MARCHF4: variants seen among roughly 807,000 people sequenced by gnomAD.
MARCHF4 encodes the protein membrane associated ring-CH-type finger 4, also known as E3 ubiquitin-protein ligase MARCHF4.
A neutral mutation model predicts 43.9 loss-of-function variants in MARCHF4; 14 were observed. The observed-to-expected ratio is 0.32, with a 90% CI of 0.21 to 0.50. The LOEUF is 0.50. MARCHF4 is among the 20% of genes least tolerant of loss of function. The pLI, the probability that MARCHF4 is intolerant of heterozygous loss-of-function variation, is 0.98. For synonymous variants in MARCHF4, 226 were observed against 213.3 expected, an observed-to-expected ratio of 1.06 and a Z score of -0.52; for missense variants, 468 against 536.7, an observed-to-expected ratio of 0.87 and a Z score of 1.27.
rs1574490980 is a variant in MARCHF4, at chr2:216,370,527, C to T, written c.-267G>A. On this transcript the variant is annotated 5_prime_UTR_variant, in exon 1 of 4. Transcript: ENST00000273067. ...ACCCACCCCAACCTCCAACTTTGTT[C>T]AGTGTGTCTCCTTTCTGCTTTTGAC... 2.6e-6 allele frequency: 1 copy of T among 385,628 alleles called. No individual in the cohort carries two copies. The highest frequency in any genetic ancestry group is 7.1e-5 in the South Asian group (1 of 14,126). 23.9% of individuals were successfully genotyped at this position (385,628 alleles called of 1,614,324 possible).
At chr2:216,335,402 A>G (rs1032597522) in intron 1 of MARCHF4, among the ~76,000 whole-genome samples, 3 of 152,250 alleles carry the variant, frequency 2.0e-5, no homozygotes, top group Non-Finnish European at 4.4e-5. Context: ...GAGAAATGAT[A>G]AAAATTTAAC....
chr2:216,357,917 A>T (rs1010419010), intron 1 of MARCHF4, among the ~76,000 whole-genome samples: 1 of 152,344 alleles, frequency 6.6e-6, no homozygotes, highest in East Asian at 1.9e-4. Flanking sequence ...CTCCTGACAG[A>T]TGATATTATG....
At chr2:216,327,303 G>A (rs576277201) in intron 1 of MARCHF4, among the ~76,000 whole-genome samples, 2 of 151,986 alleles carry the variant, frequency 1.3e-5, no homozygotes, top group Admixed American at 1.3e-4. Flanking sequence ...TTTTCCAAAT[G>A]CTGAATTATA....
intron 1 of MARCHF4, among the ~76,000 whole-genome samples, chr2:216,343,784 T>C (rs1250292821): frequency 2.0e-5 from 3 of 152,236 alleles, no homozygotes; most frequent in Middle Eastern, 3.2e-3. Context: ...TGAGGTCATA[T>C]AGCTGCTGGT....
At chr2:216,326,824 G>C (rs1371170998) in intron 1 of MARCHF4, among the ~76,000 whole-genome samples, 2 of 140,176 alleles carry the variant, frequency 1.4e-5, no homozygotes, top group African/African-American at 2.6e-5. Flanking sequence ...GGTGGAGGGA[G>C]GGGGGAGGGA....
chr2:216,341,167 G>T (rs748726192), intron 1 of MARCHF4, among the ~76,000 whole-genome samples: 2 of 152,172 alleles, frequency 1.3e-5, no homozygotes, highest in Non-Finnish European at 2.9e-5. Context: ...CCATTTTGCA[G>T]CTCCTCCAAT....
At chr2:216,354,968 T>TTTCC (rs1692475107) in intron 1 of MARCHF4, among the ~76,000 whole-genome samples, 1 of 142,228 alleles carries the variant, frequency 7.0e-6, no homozygotes, top group East Asian at 2.2e-4. Context: ...TCTTTCTTTC[T>TTTCC]TTCTTTCTTT....
At chr2:216,316,545 C>A (rs1691779870) in intron 1 of MARCHF4, among the ~76,000 whole-genome samples, 1 of 152,072 alleles carries the variant, frequency 6.6e-6, no homozygotes, top group Non-Finnish European at 1.5e-5. Context: ...GGTCCACAGT[C>A]CTGGGAAATG....
intron 1 of MARCHF4, among the ~76,000 whole-genome samples, chr2:216,324,495 G>T (rs960884943): frequency 6.6e-6 from 1 of 151,882 alleles, no homozygotes; most frequent in Non-Finnish European, 1.5e-5. Context: ...TACAAAAGCC[G>T]GGCAGAGACA....
chr2:216,283,081 ATTC>A (rs1452779397), intron 2 of MARCHF4, among the ~76,000 whole-genome samples: 1 of 152,092 alleles, frequency 6.6e-6, no homozygotes, highest in African/African-American at 2.4e-5. Context: ...CATTGAGTCT[ATTC>A]TTCTTATTTC....
At position 216,370,007 on chromosome 2, in the gene MARCHF4, C is replaced by T; in HGVS notation, c.254G>A (p.Gly85Glu). Residue 85 changes from glycine to glutamate, a missense_variant, in exon 1 of 4, where the codon GGG (glycine) becomes GAG (glutamate). Coordinates refer to ENST00000273067, the MANE Select transcript of MARCHF4 (RefSeq NM_020814.3). ...ANNTLPALGAGGWAGWRGPRE... is the reference protein window; with the variant it reads ...ANNTLPALGAEGWAGWRGPRE... Reference sequence around the variant, plus strand: ...GGGGCCCCTCCAGCCTGCCCACCCCCCGGCGCCCAGAGCCGGAAGGGTGTT... The same window carrying T: ...GGGGCCCCTCCAGCCTGCCCACCCCTCGGCGCCCAGAGCCGGAAGGGTGTT... 1 of 1,540,748 alleles carries T rather than the reference C, an allele frequency of 6.5e-7. No homozygotes were observed. The highest frequency in any genetic ancestry group is 8.8e-7 in the Non-Finnish European group (1 of 1,139,092).
At chr2:216,302,933 A>G (rs1049419423) in intron 1 of MARCHF4, among the ~76,000 whole-genome samples, 1 of 149,734 alleles carries the variant, frequency 6.7e-6, no homozygotes, top group Non-Finnish European at 1.5e-5. Flanking sequence ...AGAAAATGGC[A>G]TTTTGTAATT....
intron 1 of MARCHF4, among the ~76,000 whole-genome samples, chr2:216,316,170 G>A (rs772400853): frequency 4.6e-5 from 7 of 152,224 alleles, no homozygotes; most frequent in Non-Finnish European, 8.8e-5. Context: ...GTGACACAGC[G>A]CGACACTGCG....
At position 216,258,515 on chromosome 2, in the gene MARCHF4, T is replaced by TGC. The variant is rs1390828656; in HGVS notation, c.*796_*797insGC. ...CTGTACTTTTCTCTAGGGGTGTGTGTGTGTGTGTGTGTGTGTGTGTGTGTG... is the reference window on the plus strand; with the variant it reads ...CTGTACTTTTCTCTAGGGGTGTGTGTGCGTGTGTGTGTGTGTGTGTGTGTGTG... On this transcript the variant is annotated 3_prime_UTR_variant, in exon 4 of 4. Coordinates refer to ENST00000273067, the MANE Select transcript of MARCHF4 (RefSeq NM_020814.3). 6.7e-6 allele frequency: 1 copy of TGC among 148,256 alleles called. No homozygotes were observed. The highest frequency in any genetic ancestry group is 2.7e-5 in the African/African-American group (1 of 36,982). 9.2% of individuals were successfully genotyped at this position (148,256 alleles called of 1,614,324 possible).
At position 216,317,453 on chromosome 2, in the gene MARCHF4, G is replaced by A. The variant is rs200208500; in HGVS notation, c.517-33724C>T. Among the ~76,000 whole-genome samples the A allele has an allele frequency of 1.3e-4, 19 of 151,932 alleles. No homozygotes were observed. The East Asian group carries it at 2.1e-3, about 17-fold the overall frequency. On this transcript the variant is annotated intron_variant, in intron 1 of 3. Transcript: ENST00000273067. Reference sequence around the variant, plus strand: ...TTTAGAAACAGGGTCTCACTCTGTCGCCCAGGCTGGAGTGCAGTGGTGTGA... The same window carrying A: ...TTTAGAAACAGGGTCTCACTCTGTCACCCAGGCTGGAGTGCAGTGGTGTGA...
chr2:216,314,935 T>C (rs1158548373), intron 1 of MARCHF4, among the ~76,000 whole-genome samples: 1 of 152,190 alleles, frequency 6.6e-6, no homozygotes, highest in African/African-American at 2.4e-5. Flanking sequence ...CAAAAAAAGC[T>C]GGAACCACAG....
chr2:216,342,063 C>T (rs973633591), intron 1 of MARCHF4, among the ~76,000 whole-genome samples: 1 of 152,152 alleles, frequency 6.6e-6, no homozygotes, highest in South Asian at 2.1e-4. Flanking sequence ...TGGATCTTCC[C>T]ATTTTTCAAG....
intron 1 of MARCHF4, among the ~76,000 whole-genome samples, chr2:216,289,233 ACC>A (rs199838607): frequency 9.7e-6 from 1 of 102,602 alleles, no homozygotes; most frequent in East Asian, 3.0e-4. Context: ...TTTCTTCCCC[ACC>A]CGCCCCCCAC....
intron 1 of MARCHF4, among the ~76,000 whole-genome samples, chr2:216,356,591 T>A: frequency 6.6e-6 from 1 of 152,220 alleles, no homozygotes; most frequent in East Asian, 1.9e-4. Flanking sequence ...AATACAGGTT[T>A]TTCTAATCAG....
Sources: allele counts gnomAD v4.1 joint callset (sites outside exome capture counted in the v4.1 genomes callset), GRCh38; gene constraint gnomAD v4.1.1; transcripts MANE v1.5; gene names NCBI Gene and HGNC (gene_info 2026-07-23, HGNC 2026-07-21).